TENM4: variants seen among roughly 807,000 people sequenced by gnomAD.
TENM4 encodes the protein teneurin transmembrane protein 4.
In TENM4, 82 loss-of-function variants were observed where a neutral mutation model predicts 243.3. That is an observed-to-expected ratio of 0.34 (90% confidence interval 0.28 to 0.40). TENM4 has a LOEUF of 0.40. Among genes scored for constraint, TENM4 ranks in the 10% least tolerant of loss-of-function variants. The pLI, the probability that TENM4 is intolerant of heterozygous loss-of-function variation, is 1.00. For synonymous variants in TENM4, 1,412 were observed against 1,456.3 expected (o/e 0.97, Z 0.69); for missense variants, 3,138 against 3,673.3 (o/e 0.85, Z 3.77).
intron 4 of TENM4, among the ~76,000 whole-genome samples, chr11:79,124,893 ATGTGTGTGTGTGTGTG>A (rs71050209): frequency 8.9e-6 from 1 of 111,744 alleles, no homozygotes; most frequent in Non-Finnish European, 2.0e-5. Flanking sequence ...GTATATGTAT[ATGTGTGTGTGTGTGTG>A]TGTGTGTGTG....
intron 6 of TENM4, among the ~76,000 whole-genome samples, chr11:79,008,988 A>G (rs1157725083): frequency 6.6e-6 from 1 of 152,178 alleles, no homozygotes; most frequent in Non-Finnish European, 1.5e-5. Context: ...TTAGTGTTTT[A>G]GTTTGCATTT....
chr11:79,107,668 T>C (rs1035486283), intron 4 of TENM4, among the ~76,000 whole-genome samples: 3 of 152,316 alleles, frequency 2.0e-5, no homozygotes, highest in South Asian at 2.1e-4. Context: ...ATCACTCCGC[T>C]CATCAATGAT....
At chr11:79,261,153 C>T (rs1855789086) in intron 2 of TENM4, among the ~76,000 whole-genome samples, 1 of 152,152 alleles carries the variant, frequency 6.6e-6, no homozygotes, top group Non-Finnish European at 1.5e-5. Context: ...CTGACCTGAG[C>T]CATGGAGACT....
chr11:79,197,482 C>T (rs1192057454), intron 3 of TENM4, among the ~76,000 whole-genome samples: 1 of 152,072 alleles, frequency 6.6e-6, no homozygotes, highest in African/African-American at 2.4e-5. Flanking sequence ...GAGCATTAGT[C>T]CCAGGCTGGA....
chr11:79,302,849 C>T (rs779048808), intron 1 of TENM4, among the ~76,000 whole-genome samples: 2 of 152,172 alleles, frequency 1.3e-5, no homozygotes, highest in Non-Finnish European at 2.9e-5. Context: ...TCAAACTCAC[C>T]ACAAAGCACC....
At chr11:79,257,881 G>T (rs1855725992) in intron 2 of TENM4, among the ~76,000 whole-genome samples, 1 of 152,348 alleles carries the variant, frequency 6.6e-6, no homozygotes, top group Non-Finnish European at 1.5e-5. Flanking sequence ...TAGAAGGGCT[G>T]AGGTACTGGC....
At chr11:79,117,511 T>TG (rs1185031015) in intron 4 of TENM4, among the ~76,000 whole-genome samples, 1 of 152,190 alleles carries the variant, frequency 6.6e-6, no homozygotes, top group Non-Finnish European at 1.5e-5. Context: ...TGCCAGGTGA[T>TG]GGGGCGGGGG....
intron 6 of TENM4, among the ~76,000 whole-genome samples, chr11:79,039,155 C>T (rs917501693): frequency 1.3e-5 from 2 of 151,868 alleles, no homozygotes; most frequent in South Asian, 2.1e-4. Flanking sequence ...TAAGCCCTGT[C>T]CCCTTTGCCC....
chr11:79,360,597 C>A (rs1202303484), intron 1 of TENM4, among the ~76,000 whole-genome samples: 5 of 152,192 alleles, frequency 3.3e-5, no homozygotes, highest in African/African-American at 1.2e-4. Flanking sequence ...GGAGATATCA[C>A]TTCAACTACA....
chr11:79,007,811 GA>G (rs1472679692), intron 6 of TENM4, among the ~76,000 whole-genome samples: 1 of 152,168 alleles, frequency 6.6e-6, no homozygotes, highest in Non-Finnish European at 1.5e-5. Context: ...AGAACAGTGG[GA>G]AGTTGGCTCT....
chr11:79,354,995 C>A (rs960828805), intron 1 of TENM4, among the ~76,000 whole-genome samples: 1 of 152,150 alleles, frequency 6.6e-6, no homozygotes, highest in Non-Finnish European at 1.5e-5. Flanking sequence ...GGATCCCTAG[C>A]GGCTAACTGG....
intron 3 of TENM4, among the ~76,000 whole-genome samples, chr11:79,186,526 A>C (rs1863383135): frequency 6.6e-6 from 1 of 152,246 alleles, no homozygotes; most frequent in Admixed American, 6.5e-5. Context: ...ACAGCTAGTC[A>C]GTGGCTAACT....
intron 4 of TENM4, among the ~76,000 whole-genome samples, chr11:79,124,597 A>G (rs1172426049): frequency 6.6e-6 from 1 of 150,996 alleles, no homozygotes; most frequent in Non-Finnish European, 1.5e-5. Flanking sequence ...TATCATATAT[A>G]TATGTGTGTG....
In TENM4 at chr11:79,363,777, T is replaced by C. The variant is rs569076475; in HGVS notation, c.-320-66234A>G. ...GATACTAAAAATAATAGATTGCACA[T>C]ACTTAGGAAAAAATCTATTTTATCC... On this transcript the variant is annotated intron_variant, in intron 1 of 33. Transcript: ENST00000278550. 1.7e-3 allele frequency among the ~76,000 whole-genome samples: 259 copies of C among 152,374 alleles called. 2 individuals carry two copies. Among genetic ancestry groups the C allele is most frequent in the Non-Finnish European group, 3.1e-3 (208 of 68,034 alleles).
chr11:78,764,415 C>T (rs750003093), intron 18 of TENM4, among the ~76,000 whole-genome samples: 1 of 152,234 alleles, frequency 6.6e-6, no homozygotes, highest in African/African-American at 2.4e-5. Context: ...CAAGCCCTGT[C>T]GCCTCTCCAC....
At chr11:79,058,208 G>T (rs146939170) in intron 6 of TENM4, among the ~76,000 whole-genome samples, 1 of 152,126 alleles carries the variant, frequency 6.6e-6, no homozygotes, top group East Asian at 1.9e-4. Flanking sequence ...TAACATGAAC[G>T]TGTCTCTATA....
intron 3 of TENM4, among the ~76,000 whole-genome samples, chr11:79,158,960 A>G (rs1862682423): frequency 6.6e-6 from 1 of 152,212 alleles, no homozygotes; most frequent in Non-Finnish European, 1.5e-5. Context: ...AGACATGGTC[A>G]GTGCTCACTG....
chr11:79,207,492 C>A (rs967968697), intron 3 of TENM4, among the ~76,000 whole-genome samples: 1 of 152,120 alleles, frequency 6.6e-6, no homozygotes, highest in Admixed American at 6.6e-5. Context: ...GAGATGGACA[C>A]ACTTTGGAAG....
intron 1 of TENM4, among the ~76,000 whole-genome samples, chr11:79,352,596 T>C (rs192446646): frequency 4.0e-4 from 61 of 152,186 alleles, no homozygotes; most frequent in African/African-American, 1.4e-3. Context: ...CATGGAAGAT[T>C]AGGAGTGGGA....
Sources: allele counts gnomAD v4.1 joint callset (sites outside exome capture counted in the v4.1 genomes callset), GRCh38; gene constraint gnomAD v4.1.1; transcripts MANE v1.5; gene names NCBI Gene and HGNC (gene_info 2026-07-23, HGNC 2026-07-21).